The following LSP1 variants were observed in gnomAD, a reference collection of about 807,000 sequenced individuals.
LSP1 encodes the protein lymphocyte-specific protein 1.
LSP1 carries 32 observed loss-of-function variants against 49.3 expected under a neutral mutation model. The observed-to-expected ratio is 0.65, with a 90% CI of 0.49 to 0.87. The LOEUF (loss-of-function observed/expected upper bound fraction) is 0.87. LSP1 is among the 40% of genes least tolerant of loss of function. LSP1 has a pLI of 0.00. For missense variants in LSP1, 428 were observed against 442.6 expected (o/e 0.97, Z 0.30); for synonymous variants, 179 against 178.8 (o/e 1.00, Z -0.01).
At chr11:1,870,495 G>A in intron 1 of LSP1, 1 of 1,194,472 alleles carries the variant, frequency 8.4e-7, no homozygotes, top group Non-Finnish European at 1.1e-6. Context: ...GCCAGGCCGG[G>A]CACCCCAGAG....
chr11:1,865,197 G>A (rs1282924917), intron 1 of LSP1: 1 of 985,810 alleles, frequency 1.0e-6, no homozygotes, highest in Non-Finnish European at 1.2e-6. Context: ...AGCAGAGGCT[G>A]CAGCCTGGGC....
At chr11:1,890,732 G>A (rs556960271) in intron 10 of LSP1, 5 of 604,212 alleles carry the variant, frequency 8.3e-6, no homozygotes, top group South Asian at 2.0e-5. Flanking sequence ...CCCAGAACCT[G>A]CCAGGGACAT....
intron 1 of LSP1, among the ~76,000 whole-genome samples, chr11:1,854,387 C>T (rs565309039): frequency 2.6e-5 from 4 of 152,060 alleles, no homozygotes; most frequent in African/African-American, 7.2e-5. Context: ...CCGGTCTACC[C>T]GACCCGGGGC....
rs559107249 is a variant in LSP1, at chr11:1,858,760, G to A, written c.53+5563G>A. Among the ~76,000 whole-genome samples, 45 of 152,348 alleles carry A rather than the reference G, an allele frequency of 3.0e-4. No individual in the cohort carries two copies. The East Asian group carries it at 8.3e-3, about 28-fold the overall frequency. On this transcript the variant is annotated intron_variant, in intron 1 of 10. Transcript: ENST00000311604. ...CCCAACATCTAGGGACCTGAAAAGAGGTTGGAGGGGCTGCATGGGGGTGGG... is the reference window on the plus strand; with the variant it reads ...CCCAACATCTAGGGACCTGAAAAGAAGTTGGAGGGGCTGCATGGGGGTGGG...
chr11:1,854,398 G>T (rs906663220), intron 1 of LSP1, among the ~76,000 whole-genome samples: 1 of 152,206 alleles, frequency 6.6e-6, no homozygotes, highest in South Asian at 2.1e-4. Context: ...GACCCGGGGC[G>T]GTGCAGGGAC....
chr11:1,884,435 G>A lies in LSP1; in HGVS notation c.636-65G>A. 6.2e-7 allele frequency: 1 copy of A among 1,603,824 alleles called. No homozygotes were observed. Among genetic ancestry groups the A allele is most frequent in the South Asian group, 1.1e-5 (1 of 90,900 alleles). On this transcript the variant is annotated intron_variant, in intron 6 of 10. Transcript: ENST00000311604. The surrounding 1 kb of genome is among the most constrained non-coding windows in gnomAD (Gnocchi z 4.1). ...GGAGACCGAGGGGGGCTCTGGGAGA[G>A]GCTTGGGCAGGTTGGGAGAAGCCTT...
intron 8 of LSP1, 63 bp from the exon 9 acceptor site, chr11:1,887,174 A>G: frequency 3.7e-6 from 5 of 1,357,202 alleles, no homozygotes; most frequent in Non-Finnish European, 5.1e-6. Flanking sequence ...AGAAGGGCCC[A>G]GGGCTTCTAC....
intron 1 of LSP1, among the ~76,000 whole-genome samples, chr11:1,869,418 G>T (rs1015289135): frequency 6.6e-6 from 1 of 151,954 alleles, no homozygotes; most frequent in African/African-American, 2.4e-5. Context: ...GAGAGGGAGG[G>T]AGAGCAGGGG....
chr11:1,880,295 G>A (rs1848485530), intron 2 of LSP1, 71 bp downstream of exon 2: 1 of 1,447,024 alleles, frequency 6.9e-7, no homozygotes, highest in African/African-American at 1.5e-5. Context: ...GGCAGAGGGG[G>A]AGGTCAAGGG....
intron 4 of LSP1, 96 bp downstream of exon 4, chr11:1,883,656 G>A: frequency 2.1e-6 from 3 of 1,458,218 alleles, no homozygotes; most frequent in Admixed American, 2.2e-5. Flanking sequence ...TGTGGGTCTA[G>A]CCCAGAGTGG....
At chr11:1,886,569 G>A (rs1848759326) in intron 7 of LSP1, among the ~76,000 whole-genome samples, 163 bp from the exon 8 acceptor site, 1 of 152,260 alleles carries the variant, frequency 6.6e-6, no homozygotes, top group African/African-American at 2.4e-5. Context: ...GCATCGAATG[G>A]AGGAAGGCTC....
At chr11:1,853,917 G>A (rs1006680106) in intron 1 of LSP1, among the ~76,000 whole-genome samples, 2 of 152,174 alleles carry the variant, frequency 1.3e-5, no homozygotes, top group Admixed American at 6.5e-5. Flanking sequence ...GTACCAATGG[G>A]CATCCAGCCC....
intron 7 of LSP1, among the ~76,000 whole-genome samples, chr11:1,885,287 C>T (rs895227759): frequency 1.3e-5 from 2 of 152,100 alleles, no homozygotes; most frequent in African/African-American, 4.8e-5. Context: ...GCCAGCCCCT[C>T]CATTCAATCG....
intron 1 of LSP1, among the ~76,000 whole-genome samples, chr11:1,864,557 G>A (rs1847726246): frequency 6.6e-6 from 1 of 152,102 alleles, no homozygotes; most frequent in South Asian, 2.1e-4. Context: ...CCACGCTGCT[G>A]GGCTGGGAGA....
chr11:1,884,554 G>C lies in LSP1; in HGVS notation c.690G>C (p.Trp230Cys). The change falls in exon 7 of 11, where the codon TGG becomes TGC. Residue 230 changes from tryptophan to cysteine, a missense_variant. Trp to Cys is a radical substitution (Grantham distance 215). Transcript: ENST00000311604. This position sits in a 1 kb window ranked among gnomAD's most constrained non-coding sequence, Gnocchi z 4.1. The part of the protein sequence containing the change: ...PDLPISKIDQ[W>C]LEQYTQAIET... ...TGCCCATCTCCAAGATTGATCAGTGGCTGGAACAATACACCCAGGCCATCG... is the reference window on the plus strand; with the variant it reads ...TGCCCATCTCCAAGATTGATCAGTGCCTGGAACAATACACCCAGGCCATCG... 1 of 1,613,896 alleles carries C rather than the reference G, an allele frequency of 6.2e-7. No individual in the cohort carries two copies. Among genetic ancestry groups the C allele is most frequent in the Middle Eastern group, 1.7e-4 (1 of 6,056 alleles).
In LSP1 at chr11:1,880,289, G is replaced by T. The variant is rs564153867; in HGVS notation, c.191+65G>T. On this transcript the variant is annotated intron_variant, in intron 2 of 10. Coordinates refer to ENST00000311604, the MANE Select transcript of LSP1 (RefSeq NM_002339.3). The stretch of plus-strand genomic sequence containing the variant: ...ATCCGTGTACCCTGGGGCCTGGGCA[G>T]AGGGGGAGGTCAAGGGCCTGGGCTT... The T allele has an allele frequency of 2.0e-6, 3 of 1,464,364 alleles. No homozygotes were observed. The South Asian group carries it at 4.3e-5, about 21-fold the overall frequency. The allele number at this position is 1,464,364 out of a possible 1,614,324, so 90.7% of individuals were successfully genotyped here. A position where few individuals can be genotyped will look rare whatever the true frequency, so the allele number is the denominator to read the frequency against.
At position 1,868,180 on chromosome 11, in the gene LSP1, C is replaced by G. The variant is rs924889025; in HGVS notation, c.54-11907C>G. Among the ~76,000 whole-genome samples, 5 of 152,276 alleles carry G rather than the reference C, an allele frequency of 3.3e-5. No homozygotes were observed. In the East Asian group the frequency reaches 9.6e-4, roughly 29 times the overall value. ...ACGTCACCCGGACTCAGCCAGCGGCCTGGCCCTGCTACCTGTGGGGTCCTG... is the reference window on the plus strand; with the variant it reads ...ACGTCACCCGGACTCAGCCAGCGGCGTGGCCCTGCTACCTGTGGGGTCCTG... On this transcript the variant is annotated intron_variant, in intron 1 of 10. Transcript: ENST00000311604.
At position 1,884,553 on chromosome 11, in the gene LSP1, G is replaced by A. The variant is rs781021106; in HGVS notation, c.689G>A (p.Trp230Ter). Reference protein sequence around the residue: ...PDLPISKIDQWLEQYTQAIET... With the variant: ...PDLPISKIDQ ...TTGCCCATCTCCAAGATTGATCAGT[G>A]GCTGGAACAATACACCCAGGCCATC... is the stretch of plus-strand genomic sequence containing the variant. Residue 230 changes from tryptophan (W) to a stop codon, truncating the protein, a stop_gained, in exon 7 of 11, where the codon TGG (tryptophan) becomes TAG (stop). Transcript: ENST00000311604. LOFTEE classifies it high-confidence loss of function. The surrounding 1 kb of genome is among the most constrained non-coding windows in gnomAD (Gnocchi z 4.1). 6.2e-7 allele frequency: 1 copy of A among 1,613,886 alleles called. No individual in the cohort carries two copies. Among genetic ancestry groups the A allele is most frequent in the Non-Finnish European group, 8.5e-7 (1 of 1,179,924 alleles).
At chr11:1,888,291 G>T (rs916412251) in intron 10 of LSP1, among the ~76,000 whole-genome samples, 4 of 152,126 alleles carry the variant, frequency 2.6e-5, no homozygotes, top group Non-Finnish European at 4.4e-5. Context: ...TGCTGAGTAG[G>T]CCCCTCCACT....
Sources: allele counts gnomAD v4.1 joint callset (sites outside exome capture counted in the v4.1 genomes callset), GRCh38; gene constraint gnomAD v4.1.1; non-coding constraint Gnocchi (gnomAD v3.1); transcripts MANE v1.5; gene names NCBI Gene and HGNC (gene_info 2026-07-23, HGNC 2026-07-21).